Variants in LIPC observed in about 807,000 individuals in gnomAD.
LIPC encodes the protein lipase C, hepatic type, also known as hepatic triacylglycerol lipase.
Under a neutral mutation model 50.7 loss-of-function variants are expected in LIPC, and 44 were observed. The observed-to-expected ratio is 0.87, with a 90% CI of 0.68 to 1.11. The LOEUF (loss-of-function observed/expected upper bound fraction) is 1.11. LIPC is among the 50% of genes most tolerant of loss of function. The pLI is 0.00. For missense variants in LIPC, 697 were observed against 648.2 expected, an observed-to-expected ratio of 1.08 and a Z score of -0.82; for synonymous variants, 271 against 256.4, an observed-to-expected ratio of 1.06 and a Z score of -0.54.
At chr15:58,543,631 G>C (rs1224547014) in intron 4 of LIPC, among the ~76,000 whole-genome samples, 2 of 152,104 alleles carry the variant, frequency 1.3e-5, no homozygotes, top group Non-Finnish European at 2.9e-5. Flanking sequence ...ATTTTATCAA[G>C]TGAGGACATT....
chr15:58,477,519 A>T (rs1423149920), intron 1 of LIPC, among the ~76,000 whole-genome samples: 1 of 152,188 alleles, frequency 6.6e-6, no homozygotes, highest in Non-Finnish European at 1.5e-5. Context: ...TGGAGGGAAA[A>T]TATTTGTCAT....
At chr15:58,436,599 C>T in intron 1 of LIPC, 1 of 380,868 alleles carries the variant, frequency 2.6e-6, no homozygotes, top group South Asian at 1.9e-5. Context: ...TCTTATAGAG[C>T]AGAGGGTCAT....
intron 1 of LIPC, among the ~76,000 whole-genome samples, chr15:58,510,766 T>C (rs1327620248): frequency 1.3e-5 from 2 of 152,270 alleles, no homozygotes; most frequent in Non-Finnish European, 2.9e-5. Context: ...TGGTATATCA[T>C]GCTATTTGTG....
chr15:58,526,473 C>T (rs1165737294), intron 1 of LIPC, among the ~76,000 whole-genome samples: 1 of 152,202 alleles, frequency 6.6e-6, no homozygotes, highest in South Asian at 2.1e-4. Context: ...AGAGCTGCCA[C>T]CTAAGCCCAG....
chr15:58,503,773 C>A (rs1304135261), intron 1 of LIPC, among the ~76,000 whole-genome samples: 3 of 152,162 alleles, frequency 2.0e-5, no homozygotes, highest in Non-Finnish European at 4.4e-5. Context: ...TGTCTGAGGG[C>A]AAGTCACCTG....
intron 4 of LIPC, among the ~76,000 whole-genome samples, chr15:58,545,506 C>T (rs1429537714): frequency 3.9e-5 from 6 of 152,194 alleles, no homozygotes; most frequent in African/African-American, 9.7e-5. Context: ...GGAGAGTTTC[C>T]GCAAACCTCT....
At chr15:58,443,960 C>T (rs569671764) in intron 1 of LIPC, among the ~76,000 whole-genome samples, 3 of 152,220 alleles carry the variant, frequency 2.0e-5, no homozygotes, top group African/African-American at 7.2e-5. Context: ...TAGGGTGGGG[C>T]AGAAACAAAT....
intron 1 of LIPC, among the ~76,000 whole-genome samples, chr15:58,490,372 G>GT (rs1217730637): frequency 3.9e-5 from 6 of 152,296 alleles, no homozygotes; most frequent in Admixed American, 3.9e-4. Flanking sequence ...CCAAAAGAGC[G>GT]TATCTCCTCC....
At chr15:58,512,532 AG>A (rs1481030249) in intron 1 of LIPC, among the ~76,000 whole-genome samples, 1 of 152,228 alleles carries the variant, frequency 6.6e-6, no homozygotes, top group African/African-American at 2.4e-5. Context: ...GAAGGTGAGA[AG>A]GATGGCCTGG....
At chr15:58,446,590 A>T (rs1326787601) in intron 1 of LIPC, among the ~76,000 whole-genome samples, 6 of 151,958 alleles carry the variant, frequency 3.9e-5, no homozygotes, top group African/African-American at 1.5e-4. Flanking sequence ...CTTGCTGCCA[A>T]TTCTCACACT....
chr15:58,539,920 CCAGCACTCCCACAGGGCATTCAGTGT>C (rs1242611116), intron 2 of LIPC, among the ~76,000 whole-genome samples: 1 of 152,190 alleles, frequency 6.6e-6, no homozygotes, highest in Non-Finnish European at 1.5e-5. Context: ...TGCCTTCATC[CCAGCACTCCCACAGGGCATTCAGTGT>C]CACCGGGAGT....
chr15:58,475,338 G>A (rs1010794203), intron 1 of LIPC, among the ~76,000 whole-genome samples: 12 of 152,210 alleles, frequency 7.9e-5, no homozygotes, highest in Admixed American at 2.0e-4. Flanking sequence ...CTCAAGATCT[G>A]TCAAAAGATT....
intron 1 of LIPC, among the ~76,000 whole-genome samples, chr15:58,466,586 C>A (rs1054252943): frequency 2.0e-5 from 3 of 152,184 alleles, no homozygotes; most frequent in Non-Finnish European, 4.4e-5. Context: ...AGGTAAGAAA[C>A]AAGCTGCGAA....
intron 1 of LIPC, among the ~76,000 whole-genome samples, chr15:58,463,788 T>C (rs1894437053): frequency 6.6e-6 from 1 of 152,162 alleles, no homozygotes; most frequent in South Asian, 2.1e-4. Flanking sequence ...TCTCTGCTCA[T>C]CAAAAAAGTC....
intron 1 of LIPC, among the ~76,000 whole-genome samples, chr15:58,536,824 G>T (rs1256912926): frequency 6.6e-6 from 1 of 152,172 alleles, no homozygotes; most frequent in East Asian, 1.9e-4. Context: ...ATTGCCCTTT[G>T]CTGAGAATTA....
At chr15:58,450,847 G>T (rs576991047) in intron 1 of LIPC, among the ~76,000 whole-genome samples, 1 of 152,166 alleles carries the variant, frequency 6.6e-6, no homozygotes, top group Non-Finnish European at 1.5e-5. Flanking sequence ...AGCAGTCAGG[G>T]TTTACAGGTA....
At chr15:58,450,525 G>T (rs1460963730) in intron 1 of LIPC, among the ~76,000 whole-genome samples, 1 of 152,196 alleles carries the variant, frequency 6.6e-6, no homozygotes, top group African/African-American at 2.4e-5. Flanking sequence ...ATTTTATTAA[G>T]TTTCAGTGAA....
chr15:58,527,182 G>A (rs1017561891), intron 1 of LIPC, among the ~76,000 whole-genome samples: 2 of 152,216 alleles, frequency 1.3e-5, no homozygotes, highest in African/African-American at 4.8e-5. Flanking sequence ...TTAGATGTGC[G>A]GAGAAATCGA....
intron 1 of LIPC, among the ~76,000 whole-genome samples, chr15:58,496,180 A>G (rs1283792359): frequency 6.6e-6 from 1 of 152,140 alleles, no homozygotes; most frequent in African/African-American, 2.4e-5. Flanking sequence ...ATCTGGGGGC[A>G]TCTTTGCTTG....
Sources: gnomAD v4.1 joint callset for allele counts (sites outside exome capture counted in the v4.1 genomes callset) on GRCh38, gnomAD v4.1.1 for gene constraint, MANE v1.5 for transcripts, NCBI Gene and HGNC (gene_info 2026-07-23, HGNC 2026-07-21) for gene names.